TMEM101: variants seen among roughly 807,000 people sequenced by gnomAD.
TMEM101 encodes the protein transmembrane protein 101.
A neutral mutation model predicts 26.0 loss-of-function variants in TMEM101; 14 were observed. That is an observed-to-expected ratio of 0.54 (90% CI 0.36 to 0.84). The LOEUF is 0.84. Ranked by LOEUF, TMEM101 falls within the 40% of genes least tolerant of loss-of-function variation. The pLI is 0.01. For synonymous variants in TMEM101, 152 were observed against 145.1 expected, an observed-to-expected ratio of 1.05 and a Z score of -0.34; for missense variants, 292 against 345.1, an observed-to-expected ratio of 0.85 and a Z score of 1.22.
upstream of TMEM101, among the ~76,000 whole-genome samples, chr17:44,018,868 C>G (rs2049258669): frequency 6.6e-6 from 1 of 152,182 alleles, no homozygotes; most frequent in Non-Finnish European, 1.5e-5. Flanking sequence ...TTTTCCTGCT[C>G]TTTCCTCTTT....
chr17:44,023,155 CCTAG>C (rs1253049805), upstream of TMEM101: 1 of 211,492 alleles, frequency 4.7e-6, no homozygotes, highest in East Asian at 1.6e-4. Context: ...AGTCTGGGAC[CCTAG>C]CTCTTTTGTA....
intron 2 of TMEM101, 96 bp from the exon 3 acceptor site, chr17:44,013,251 T>C: frequency 8.2e-7 from 1 of 1,215,292 alleles, no homozygotes; most frequent in Non-Finnish European, 1.1e-6. Flanking sequence ...ACACATCCCA[T>C]TCCATCTGAT....
chr17:44,016,600 T>C (rs1186779872), upstream of TMEM101, among the ~76,000 whole-genome samples: 1 of 152,216 alleles, frequency 6.6e-6, no homozygotes, highest in Non-Finnish European at 1.5e-5. Flanking sequence ...AGTTATATCC[T>C]GATAAACCCA....
Position 44,012,210 on chromosome 17 carries a change from C to T in TMEM101, c.492G>A (p.Glu164=). 6.2e-7 allele frequency: 1 copy of T among 1,613,726 alleles called. No homozygotes were observed. Among genetic ancestry groups the T allele is most frequent in the Non-Finnish European group, 8.5e-7 (1 of 1,179,806 alleles). ...GATGGTTCAGATACGCCAGCCGGTCCTCCTTGCTGTGCTGCAGTGAGTAGG... is the reference window on the plus strand; with the variant it reads ...GATGGTTCAGATACGCCAGCCGGTCTTCCTTGCTGTGCTGCAGTGAGTAGG... ...CVAYSLQHSK[E]DRLAYLNHLP... Residue 164 remains glutamate (E), a synonymous_variant, in exon 4 of 4, where the codon GAG becomes GAA. Transcript: ENST00000206380.
chr17:44,022,106 A>G (rs2049290759), intron 1 of TMEM101, among the ~76,000 whole-genome samples: 2 of 152,206 alleles, frequency 1.3e-5, no homozygotes. Flanking sequence ...ATGTTACCCA[A>G]ATGGGGAATA....
intron 1 of TMEM101, among the ~76,000 whole-genome samples, chr17:44,022,722 G>C (rs796431758): frequency 6.6e-6 from 1 of 152,182 alleles, no homozygotes; most frequent in African/African-American, 2.4e-5. Context: ...GGGAAGAACT[G>C]GGGGAGTTCC....
chr17:44,012,559 A>C, intron 3 of TMEM101: 1 of 394,940 alleles, frequency 2.5e-6, no homozygotes, highest in Non-Finnish European at 4.5e-6. Context: ...ATAAGACCTA[A>C]TGGCCTGGCG....
At position 44,012,030 on chromosome 17, in the gene TMEM101, G is replaced by A; in HGVS notation, c.672C>T (p.Tyr224=). ...ACTCAACACGCCGCGTGTTGTGCCA[G>A]TAAGCAACATTGCCATCAATGAGCA... ...VMLLIDGNVA[Y]WHNTRRVEFW... The change falls in exon 4 of 4, where the codon TAC becomes TAT. Residue 224 remains tyrosine (Y), a synonymous_variant. Coordinates refer to ENST00000206380, the MANE Select transcript of TMEM101 (RefSeq NM_032376.4). The A allele has an allele frequency of 6.2e-7, 1 of 1,614,188 alleles. No individual in the cohort carries two copies. Among genetic ancestry groups the A allele is most frequent in the East Asian group, 2.2e-5 (1 of 44,886 alleles).
rs1459281507 is a variant in TMEM101, at chr17:44,014,861, C to A, written c.92G>T (p.Cys31Phe). The part of the protein sequence containing the change: ...VLLTRCPFWG[C>F]FSQLMLYAER... Reference sequence around the variant, plus strand: ...AGCGTACAGCATGAGCTGGCTGAAGCAGCCCCAAAAGGGGCAGCGTGTGAG... The same window carrying A: ...AGCGTACAGCATGAGCTGGCTGAAGAAGCCCCAAAAGGGGCAGCGTGTGAG... The change falls in exon 1 of 4, where the codon TGC becomes TTC. Residue 31 changes from cysteine (C) to phenylalanine (F), a missense_variant. Cys to Phe is a radical substitution (Grantham distance 205). Around this residue, in one of 2 missense-constraint regions of TMEM101, gnomAD observed 143 missense variants for 133.2 expected, o/e 1.07. Transcript: ENST00000206380. 1.2e-6 allele frequency: 2 copies of A among 1,613,444 alleles called. No homozygotes were observed. Among genetic ancestry groups the A allele is most frequent in the Non-Finnish European group, 1.7e-6 (2 of 1,179,644 alleles).
chr17:44,014,318 C>T (rs1249338645), intron 2 of TMEM101, 39 bp downstream of exon 2: 2 of 1,531,528 alleles, frequency 1.3e-6, no homozygotes, highest in Non-Finnish European at 1.8e-6. Context: ...GATTCCCCGT[C>T]ACCCAGAGGG....
At chr17:44,018,311 C>T (rs144249596), upstream of TMEM101, among the ~76,000 whole-genome samples, 1,123 of 152,186 alleles carry the variant, frequency 7.4e-3, 5 homozygotes, top group Non-Finnish European at 0.011. Context: ...GGTGACAAAG[C>T]AAGACCCCCA....
At chr17:44,022,728 G>T (rs769777882) in intron 1 of TMEM101, among the ~76,000 whole-genome samples, 44 of 152,310 alleles carry the variant, frequency 2.9e-4, no homozygotes, top group Non-Finnish European at 5.0e-4. Flanking sequence ...AACTGGGGGA[G>T]TTCCCATCCT....
Position 44,014,962 on chromosome 17 carries a change from G to C in TMEM101, c.-10C>G. The C allele has an allele frequency of 6.2e-7, 1 of 1,606,822 alleles. No homozygotes were observed. The highest frequency in any genetic ancestry group is 8.5e-7 in the Non-Finnish European group (1 of 1,175,818). ...CTATCTTCGACGCCATCTTGGGAAA[G>C]GGCAGTCCGCTGCGGCCTCACCCCA... On this transcript the variant is annotated 5_prime_UTR_variant, in exon 1 of 4. Coordinates refer to ENST00000206380, the MANE Select transcript of TMEM101 (RefSeq NM_032376.4).
chr17:44,015,550 C>A (rs946525240), upstream of TMEM101, among the ~76,000 whole-genome samples: 5 of 152,110 alleles, frequency 3.3e-5, no homozygotes, highest in African/African-American at 9.7e-5. Context: ...CTCGCCACCA[C>A]GCCCGGCTAA....
rs1248134494 is a variant in TMEM101, at chr17:44,012,538, C to T, written c.466-302G>A. On this transcript the variant is annotated intron_variant, in intron 3 of 3. Transcript: ENST00000206380. ...ACAGAGAGCTGTACAGAGATATACT[C>T]GGTAATTAAGATAAGACCTAATGGC... is the stretch of plus-strand genomic sequence containing the variant. 3.8e-5 allele frequency: 16 copies of T among 423,152 alleles called. No individual in the cohort carries two copies. In the South Asian group the frequency reaches 3.9e-4, roughly 10 times the overall value. The allele number at this position is 423,152 out of a possible 1,614,324, so 26.2% of individuals were successfully genotyped here. A position where few individuals can be genotyped will look rare whatever the true frequency, so the allele number is the denominator to read the frequency against.
Position 44,011,990 on chromosome 17 carries a change from T to A in TMEM101, c.712A>T (p.Lys238Ter). The A allele has an allele frequency of 6.2e-7, 1 of 1,614,136 alleles. No homozygotes were observed. Among genetic ancestry groups the A allele is most frequent in the South Asian group, 1.1e-5 (1 of 91,082 alleles). The change falls in exon 4 of 4, where the codon AAG becomes TAG. Residue 238 changes from lysine to a stop codon, truncating the protein, a stop_gained. Coordinates refer to ENST00000206380, the MANE Select transcript of TMEM101 (RefSeq NM_032376.4). LOFTEE classifies it high-confidence loss of function. ...ATGCCCACACTCTCTCCAAGGAGCT[T>A]CATCTGGTTCCAGAACTCAACACGC... is the stretch of plus-strand genomic sequence containing the variant. ...TRRVEFWNQM[K>*]LLGESVGIFG...
chr17:44,018,865 G>A (rs2049258645), upstream of TMEM101, among the ~76,000 whole-genome samples: 1 of 152,130 alleles, frequency 6.6e-6, no homozygotes, highest in Admixed American at 6.5e-5. Flanking sequence ...ACCTTTTCCT[G>A]CTCTTTCCTC....
upstream of TMEM101, among the ~76,000 whole-genome samples, chr17:44,016,860 C>T (rs1457472406): frequency 2.6e-5 from 4 of 152,120 alleles, no homozygotes; most frequent in Non-Finnish European, 5.9e-5. Flanking sequence ...TTGGGCTGGG[C>T]GCGGTGGCTA....
At chr17:44,017,787 C>G (rs2049248996), upstream of TMEM101, among the ~76,000 whole-genome samples, 1 of 150,920 alleles carries the variant, frequency 6.6e-6, no homozygotes, top group Non-Finnish European at 1.5e-5. Context: ...AAATTCCCAA[C>G]CAGCCAGTGA....
Sources: allele counts gnomAD v4.1 joint callset (sites outside exome capture counted in the v4.1 genomes callset), GRCh38; gene constraint gnomAD v4.1.1; regional missense constraint gnomAD v4.1.1; transcripts MANE v1.5; gene names NCBI Gene and HGNC (gene_info 2026-07-23, HGNC 2026-07-21).